GRIK4: variants seen among roughly 807,000 people sequenced by gnomAD.
GRIK4 encodes glutamate ionotropic receptor kainate type subunit 4.
A neutral mutation model predicts 104.9 loss-of-function variants in GRIK4; 40 were observed. That is an observed-to-expected ratio of 0.38 (90% CI 0.30 to 0.50). The LOEUF (loss-of-function observed/expected upper bound fraction) is 0.50. Among genes scored for constraint, GRIK4 ranks in the 20% least tolerant of loss-of-function variants. The pLI, the probability that GRIK4 is intolerant of heterozygous loss-of-function variation, is 0.93. For synonymous variants in GRIK4, 485 were observed against 524.9 expected, an observed-to-expected ratio of 0.92 and a Z score of 1.04; for missense variants, 1,047 against 1,308.1, an observed-to-expected ratio of 0.80 and a Z score of 3.08.
chr11:120,872,214 G>A (rs962498168), intron 9 of GRIK4: 1 of 307,124 alleles, frequency 3.3e-6, no homozygotes, highest in African/African-American at 2.2e-5. Flanking sequence ...TCTTTTACAG[G>A]TAACAGAAAT....
intron 3 of GRIK4, among the ~76,000 whole-genome samples, chr11:120,688,412 A>T (rs1183382161): frequency 1.3e-5 from 2 of 152,226 alleles, no homozygotes; most frequent in African/African-American, 4.8e-5. Context: ...TAGCTGGCCC[A>T]GCCAACTAGG....
At chr11:120,567,818 T>C (rs1285517515) in intron 1 of GRIK4, among the ~76,000 whole-genome samples, 1 of 152,232 alleles carries the variant, frequency 6.6e-6, no homozygotes, top group Non-Finnish European at 1.5e-5. Flanking sequence ...AAAAGTCTTA[T>C]GTTCTATTCC....
intron 3 of GRIK4, among the ~76,000 whole-genome samples, chr11:120,710,994 A>AAGT (rs1950722798): frequency 9.1e-6 from 1 of 109,654 alleles, no homozygotes; most frequent in Non-Finnish European, 1.8e-5. Flanking sequence ...TGCCCCTGTG[A>AAGT]GGTGGGGAGG....
intron 3 of GRIK4, among the ~76,000 whole-genome samples, chr11:120,663,008 G>A (rs1189912060): frequency 6.6e-6 from 1 of 152,144 alleles, no homozygotes; most frequent in Admixed American, 6.5e-5. Context: ...ATGAGGTTTT[G>A]GGTAAAAGAA....
At chr11:120,875,613 C>T (rs574035443) in intron 11 of GRIK4, among the ~76,000 whole-genome samples, 9 of 152,118 alleles carry the variant, frequency 5.9e-5, no homozygotes, top group Non-Finnish European at 1.3e-4. Flanking sequence ...ACATGTGGGC[C>T]AAGGAAACCC....
At chr11:120,927,203 C>A (rs1211374790) in intron 13 of GRIK4, among the ~76,000 whole-genome samples, 1 of 144,720 alleles carries the variant, frequency 6.9e-6, no homozygotes, top group Non-Finnish European at 1.5e-5. Flanking sequence ...ACTTGGAAGT[C>A]TCTCGGTTCT....
intron 3 of GRIK4, among the ~76,000 whole-genome samples, chr11:120,797,905 G>A (rs1377953320): frequency 6.6e-6 from 1 of 152,158 alleles, no homozygotes; most frequent in African/African-American, 2.4e-5. Flanking sequence ...CTCAAGGTGT[G>A]TGCAGTGATG....
Position 120,562,978 on chromosome 11 carries a change from C to T in GRIK4, c.-159+51091C>T, listed in dbSNP as rs138558641. On this transcript the variant is annotated intron_variant, in intron 1 of 20. Coordinates refer to ENST00000527524, the MANE Select transcript of GRIK4 (RefSeq NM_014619.5). ...ATTTTGGCCTTCTGCGGAAGCATGA[C>T]GTCCAGTGGGCTGTGGATGTATGTG... 2.3e-3 allele frequency among the ~76,000 whole-genome samples: 355 copies of T among 152,284 alleles called. 2 individuals carry two copies. Among genetic ancestry groups the T allele is most frequent in the Non-Finnish European group, 3.7e-3 (255 of 68,024 alleles).
chr11:120,559,273 C>T lies in GRIK4; in HGVS notation c.-159+47386C>T, dbSNP rs1403092428. 1.3e-5 allele frequency among the ~76,000 whole-genome samples: 2 copies of T among 152,312 alleles called. 1 individual carries two copies. The highest frequency in any genetic ancestry group is 4.1e-4 in the South Asian group (2 of 4,826). ...GGAGGGGTCCCAGACTCCCTCGCTT[C>T]GGCTAATCTCTTGGCTGTGGATAAA... On this transcript the variant is annotated intron_variant, in intron 1 of 20. Transcript: ENST00000527524.
intron 11 of GRIK4, among the ~76,000 whole-genome samples, chr11:120,881,205 C>T (rs905457287): frequency 9.2e-5 from 14 of 152,322 alleles, no homozygotes; most frequent in South Asian, 8.3e-4. Context: ...TCAAACTGAA[C>T]GCCAAATTTC....
intron 1 of GRIK4, among the ~76,000 whole-genome samples, chr11:120,609,963 C>G (rs2135145678): frequency 6.6e-6 from 1 of 152,354 alleles, no homozygotes; most frequent in African/African-American, 2.4e-5. Context: ...CCTCTCCGAG[C>G]CCCAGTCCTC....
At chr11:120,808,816 T>C (rs1473878394) in intron 4 of GRIK4, among the ~76,000 whole-genome samples, 2 of 152,134 alleles carry the variant, frequency 1.3e-5, no homozygotes, top group African/African-American at 4.8e-5. Flanking sequence ...CACCCTCTGC[T>C]CCATTCAGGC....
chr11:120,901,074 C>T (rs766266682), intron 12 of GRIK4, among the ~76,000 whole-genome samples: 8 of 152,300 alleles, frequency 5.3e-5, no homozygotes, highest in Admixed American at 1.3e-4. Context: ...TCTCTGGAGC[C>T]GCTCCATACT....
intron 1 of GRIK4, among the ~76,000 whole-genome samples, chr11:120,590,469 T>C (rs1455412692): frequency 6.6e-6 from 1 of 152,188 alleles, no homozygotes; most frequent in Non-Finnish European, 1.5e-5. Context: ...GTCCTATCGA[T>C]GCCTCCCTGC....
chr11:120,695,006 A>T (rs1273470133), intron 3 of GRIK4, among the ~76,000 whole-genome samples: 1 of 152,172 alleles, frequency 6.6e-6, no homozygotes, highest in Non-Finnish European at 1.5e-5. Context: ...AAGGTATTAA[A>T]AAAAGAATCC....
At chr11:120,795,715 T>C (rs923944517) in intron 3 of GRIK4, among the ~76,000 whole-genome samples, 1 of 152,016 alleles carries the variant, frequency 6.6e-6, no homozygotes, top group African/African-American at 2.4e-5. Flanking sequence ...GAAAATTAAT[T>C]TGGGATGGGG....
At chr11:120,692,051 C>T (rs1170091210) in intron 3 of GRIK4, among the ~76,000 whole-genome samples, 1 of 152,232 alleles carries the variant, frequency 6.6e-6, no homozygotes, top group Admixed American at 6.5e-5. Flanking sequence ...GATGTCCCTT[C>T]CATCTCTCCC....
At chr11:120,543,057 A>G (rs1229606613) in intron 1 of GRIK4, among the ~76,000 whole-genome samples, 2 of 152,248 alleles carry the variant, frequency 1.3e-5, no homozygotes. Context: ...CATAGCTGGT[A>G]CAAGTGTACC....
At chr11:120,570,448 G>A (rs760229132) in intron 1 of GRIK4, among the ~76,000 whole-genome samples, 47 of 152,144 alleles carry the variant, frequency 3.1e-4, no homozygotes, top group Non-Finnish European at 5.9e-4. Flanking sequence ...TACATTATCA[G>A]TTGACTTTCT....
Sources: gnomAD v4.1 joint callset for allele counts (sites outside exome capture counted in the v4.1 genomes callset) on GRCh38, gnomAD v4.1.1 for gene constraint, MANE v1.5 for transcripts, NCBI Gene and HGNC (gene_info 2026-07-23, HGNC 2026-07-21) for gene names.